ZBTB20: variants seen among roughly 807,000 people sequenced by gnomAD.
ZBTB20 encodes zinc finger and BTB domain containing 20.
In ZBTB20, 9 loss-of-function variants were observed where a neutral mutation model predicts 56.9. The observed-to-expected ratio is 0.16, with a 90% CI of 0.10 to 0.28. The LOEUF is 0.28. ZBTB20 is among the 10% of genes least tolerant of loss of function. The pLI is 1.00. For missense variants in ZBTB20, 655 were observed against 1,003.0 expected (o/e 0.65, Z 4.69); for synonymous variants, 417 against 420.7 (o/e 0.99, Z 0.11).
intron 6 of ZBTB20, among the ~76,000 whole-genome samples, chr3:114,574,038 G>T (rs1380180109): frequency 6.6e-6 from 1 of 151,814 alleles, no homozygotes; most frequent in Non-Finnish European, 1.5e-5. Context: ...ATATTTATTT[G>T]TATCTTTTGG....
intron 7 of ZBTB20, among the ~76,000 whole-genome samples, chr3:114,414,869 GT>G (rs2088364277): frequency 6.6e-6 from 1 of 151,364 alleles, no homozygotes; most frequent in African/African-American, 2.4e-5. Context: ...CTAGGTAAAA[GT>G]AAAGTCATCT....
chr3:114,744,919 A>C (rs191886006), intron 5 of ZBTB20, among the ~76,000 whole-genome samples: 2 of 152,016 alleles, frequency 1.3e-5, no homozygotes, highest in Admixed American at 6.5e-5. Context: ...TGCATACGTG[A>C]AAAAAAAGAA....
At chr3:115,031,390 T>C (rs937548397) in intron 2 of ZBTB20, among the ~76,000 whole-genome samples, 1 of 151,506 alleles carries the variant, frequency 6.6e-6, no homozygotes, top group Non-Finnish European at 1.5e-5. Context: ...TGTTTTTTAT[T>C]AGTCAAAACA....
At chr3:114,508,407 G>A (rs1184519329) in intron 6 of ZBTB20, among the ~76,000 whole-genome samples, 2 of 152,068 alleles carry the variant, frequency 1.3e-5, no homozygotes, top group African/African-American at 4.8e-5. Flanking sequence ...AAAGCAGTTT[G>A]CCACTTTTCT....
chr3:115,054,351 T>A lies in ZBTB20; in HGVS notation c.-507+16868A>T, dbSNP rs1204318229. ...AGTTTAATTATTCTTTAAACTTTTT[T>A]AATTTAAGCTCAACTATTTGAATCA... On this transcript the variant is annotated intron_variant, in intron 2 of 11. Coordinates refer to ENST00000675478, the MANE Select transcript of ZBTB20 (RefSeq NM_001348800.3). 2.6e-5 allele frequency among the ~76,000 whole-genome samples: 4 copies of A among 152,178 alleles called. No individual in the cohort carries two copies. In the East Asian group the frequency reaches 5.8e-4, roughly 22 times the overall value.
chr3:114,657,703 G>T (rs1323540033), intron 6 of ZBTB20, among the ~76,000 whole-genome samples: 1 of 152,122 alleles, frequency 6.6e-6, no homozygotes, highest in Non-Finnish European at 1.5e-5. Context: ...GTTCCTTGAG[G>T]GAAGAAGCTG....
At chr3:114,759,704 C>T (rs950326036) in intron 5 of ZBTB20, among the ~76,000 whole-genome samples, 19 of 152,070 alleles carry the variant, frequency 1.2e-4, no homozygotes, top group African/African-American at 4.1e-4. Context: ...AAAAAAAAAT[C>T]TCATACCTCA....
chr3:115,106,879 A>G (rs1299003875), intron 1 of ZBTB20, among the ~76,000 whole-genome samples: 2 of 152,180 alleles, frequency 1.3e-5, no homozygotes, highest in Non-Finnish European at 2.9e-5. Context: ...CACCTGTAAT[A>G]TATCTGAAGC....
intron 3 of ZBTB20, among the ~76,000 whole-genome samples, chr3:114,932,829 A>G (rs1228476447): frequency 1.3e-5 from 2 of 152,222 alleles, no homozygotes; most frequent in Non-Finnish European, 2.9e-5. Flanking sequence ...ATCAAGAGGC[A>G]GAGTTTGTTT....
At chr3:114,967,117 A>G (rs955934417) in intron 3 of ZBTB20, among the ~76,000 whole-genome samples, 3 of 152,218 alleles carry the variant, frequency 2.0e-5, no homozygotes, top group Admixed American at 6.5e-5. Flanking sequence ...ATAATTATTC[A>G]GATGTTTTTA....
intron 6 of ZBTB20, among the ~76,000 whole-genome samples, chr3:114,571,424 C>T (rs1262817027): frequency 6.6e-6 from 1 of 152,172 alleles, no homozygotes; most frequent in African/African-American, 2.4e-5. Context: ...GGTCAAAGAA[C>T]TCAAAATAAC....
At chr3:114,385,703 C>T (rs551708003) in intron 8 of ZBTB20, among the ~76,000 whole-genome samples, 1 of 152,168 alleles carries the variant, frequency 6.6e-6, no homozygotes, top group Non-Finnish European at 1.5e-5. Flanking sequence ...CCTGTCTCTA[C>T]CAAAAATTCA....
intron 5 of ZBTB20, among the ~76,000 whole-genome samples, chr3:114,782,220 T>G (rs2070157870): frequency 6.6e-6 from 1 of 152,222 alleles, no homozygotes; most frequent in African/African-American, 2.4e-5. Context: ...ATACTTTTTT[T>G]TGTTATTATA....
chr3:114,942,434 T>A (rs748032516), intron 3 of ZBTB20, among the ~76,000 whole-genome samples: 1 of 145,660 alleles, frequency 6.9e-6, no homozygotes, highest in Non-Finnish European at 1.5e-5. Flanking sequence ...GAAATTCATA[T>A]AGAGGGGAGT....
At chr3:114,611,677 ATGT>A (rs1309727712) in intron 6 of ZBTB20, among the ~76,000 whole-genome samples, 1 of 152,120 alleles carries the variant, frequency 6.6e-6, no homozygotes, top group East Asian at 1.9e-4. Flanking sequence ...GTGCTGTTAA[ATGT>A]TGTTTGAAAT....
intron 5 of ZBTB20, chr3:114,759,104 G>C (rs1182386224): frequency 6.6e-6 from 1 of 152,180 alleles, no homozygotes; most frequent in Non-Finnish European, 1.5e-5. Flanking sequence ...ATCCGTCCCT[G>C]ACTGCGTCAC....
At chr3:114,371,153 C>T (rs769915360) in intron 10 of ZBTB20, among the ~76,000 whole-genome samples, 6 of 152,322 alleles carry the variant, frequency 3.9e-5, no homozygotes, top group Non-Finnish European at 8.8e-5. Context: ...GAGGTGCAAA[C>T]CCCTCATACC....
At chr3:114,943,547 C>A in intron 3 of ZBTB20, among the ~76,000 whole-genome samples, 1 of 144,800 alleles carries the variant, frequency 6.9e-6, no homozygotes, top group African/African-American at 2.8e-5. Context: ...ATTAAAAACC[C>A]AAAGATTATT....
chr3:114,772,533 A>T (rs111877516), intron 5 of ZBTB20, among the ~76,000 whole-genome samples: 1 of 152,006 alleles, frequency 6.6e-6, no homozygotes, highest in African/African-American at 2.4e-5. Context: ...CTAATGGTCA[A>T]CTTGGTTTTC....
Sources: allele counts gnomAD v4.1 joint callset (sites outside exome capture counted in the v4.1 genomes callset), GRCh38; gene constraint gnomAD v4.1.1; transcripts MANE v1.5; gene names NCBI Gene and HGNC (gene_info 2026-07-23, HGNC 2026-07-21).